Variants in PLCL1 observed in about 807,000 individuals in gnomAD.
PLCL1 encodes inactive phospholipase C-like protein 1.
A neutral mutation model predicts 84.4 loss-of-function variants in PLCL1; 41 were observed. The observed-to-expected ratio is 0.49, with a 90% CI of 0.38 to 0.63. The LOEUF (loss-of-function observed/expected upper bound fraction) is 0.63, where lower values mean the gene tolerates loss of function less well. Among genes scored for constraint, PLCL1 ranks in the 30% least tolerant of loss-of-function variants. The probability of loss-of-function intolerance (pLI) is 0.00; values close to 1 mark genes in which losing one functional copy is unlikely to be tolerated. For synonymous variants in PLCL1, 490 were observed against 488.3 expected (o/e 1.00, Z -0.05); for missense variants, 1,206 against 1,367.8 (o/e 0.88, Z 1.87).
At chr2:197,868,808 A>C (rs1246043314) in intron 1 of PLCL1, among the ~76,000 whole-genome samples, 3 of 151,626 alleles carry the variant, frequency 2.0e-5, no homozygotes, top group African/African-American at 7.3e-5. Context: ...GAGCCACCAT[A>C]CCTGGCCTTT....
chr2:198,035,122 T>C (rs1198713294), intron 1 of PLCL1, among the ~76,000 whole-genome samples: 1 of 152,218 alleles, frequency 6.6e-6, no homozygotes, highest in Admixed American at 6.5e-5. Flanking sequence ...ACACCAAGAC[T>C]ATGAAAATAA....
chr2:198,116,553 A>T (rs1442141797), intron 5 of PLCL1, among the ~76,000 whole-genome samples: 1 of 151,882 alleles, frequency 6.6e-6, no homozygotes, highest in Non-Finnish European at 1.5e-5. Context: ...ATTCATAAAA[A>T]TTTACACATA....
intron 2 of PLCL1, 138 bp from the exon 3 acceptor site, chr2:198,088,720 T>C (rs1329152347): frequency 5.6e-6 from 4 of 715,080 alleles, no homozygotes; most frequent in Non-Finnish European, 1.0e-5. Flanking sequence ...TTGCTAAAAA[T>C]TGAGCAAGAT....
Position 198,084,189 on chromosome 2 carries a change from A to C in PLCL1, c.672A>C (p.Arg224=), listed in dbSNP as rs1237033873. The change falls in exon 2 of 6, where the codon CGA becomes CGC. Residue 224 remains arginine, a synonymous_variant. Coordinates refer to ENST00000428675, the MANE Select transcript of PLCL1 (RefSeq NM_006226.4). ...CTGGGTTACGGTACCTGGTTTCTCGAAGTAAGCAGCCTCTTGATTTTATGG... is the reference window on the plus strand; with the variant it reads ...CTGGGTTACGGTACCTGGTTTCTCGCAGTAAGCAGCCTCTTGATTTTATGG... ...WVSGLRYLVS[R]SKQPLDFMEG... is the part of the protein sequence containing the mutation. 5 of 1,614,102 alleles carry C rather than the reference A, an allele frequency of 3.1e-6. No individual in the cohort carries two copies. The highest frequency in any genetic ancestry group is 4.2e-6 in the Non-Finnish European group (5 of 1,179,992).
intron 1 of PLCL1, among the ~76,000 whole-genome samples, chr2:197,921,243 G>A (rs1688694915): frequency 6.6e-6 from 1 of 152,200 alleles, no homozygotes; most frequent in African/African-American, 2.4e-5. Flanking sequence ...AAAGCGTTAT[G>A]TGGTACATGA....
chr2:197,905,262 A>T (rs181792228), intron 1 of PLCL1, among the ~76,000 whole-genome samples: 1 of 152,130 alleles, frequency 6.6e-6, no homozygotes, highest in South Asian at 2.1e-4. Context: ...CTATCCCCCA[A>T]TAGGCCCCAG....
At chr2:197,965,349 T>C (rs1240321180) in intron 1 of PLCL1, among the ~76,000 whole-genome samples, 4 of 152,160 alleles carry the variant, frequency 2.6e-5, no homozygotes, top group Non-Finnish European at 5.9e-5. Context: ...TATTGGCATA[T>C]AGTTGCTCAT....
chr2:198,087,423 A>C lies in PLCL1; in HGVS notation c.2715+1191A>C, dbSNP rs542134017. Among the ~76,000 whole-genome samples, 3 of 152,280 alleles carry C rather than the reference A, an allele frequency of 2.0e-5. No homozygotes were observed. The South Asian group carries it at 6.2e-4, about 32-fold the overall frequency. Reference sequence around the variant, plus strand: ...GAGATGCAAACAATAACAGATATTCACCGAGTACCTGCAATGTGCAAAGTG... The same window carrying C: ...GAGATGCAAACAATAACAGATATTCCCCGAGTACCTGCAATGTGCAAAGTG... On this transcript the variant is annotated intron_variant, in intron 2 of 5. Coordinates refer to ENST00000428675, the MANE Select transcript of PLCL1 (RefSeq NM_006226.4).
Position 198,105,534 on chromosome 2 carries a change from G to C in PLCL1, c.3105+1598G>C, listed in dbSNP as rs1018309386. ...GCATACTGGAATTAACATGGTTTTT[G>C]CCTTAATAAGGCAATGAGGTTTTCG... is the stretch of plus-strand genomic sequence containing the variant. On this transcript the variant is annotated intron_variant, in intron 5 of 5. Transcript: ENST00000428675. Among the ~76,000 whole-genome samples the C allele has an allele frequency of 7.9e-5, 12 of 151,440 alleles. 1 individual carries two copies. The highest frequency in any genetic ancestry group is 2.9e-4 in the African/African-American group (12 of 41,262).
rs1278786896 is a variant in PLCL1 at position 197,923,064 on chromosome 2, C to T, written c.240+117725C>T. Among the ~76,000 whole-genome samples the T allele has an allele frequency of 2.9e-3, 384 of 134,690 alleles. 2 individuals are homozygous for T. Among genetic ancestry groups the T allele is most frequent in the African/African-American group, 0.01 (366 of 35,800 alleles). 88.4% of individuals were successfully genotyped at this position (134,690 alleles called of 152,430 possible). A position where few individuals can be genotyped will look rare whatever the true frequency, so the allele number is the denominator to read the frequency against. ...GCCCCTCACCTCCCAGACGGGGCGGCTGGCCGGGCGGAGGGCTGACCCCCC... is the reference window on the plus strand; with the variant it reads ...GCCCCTCACCTCCCAGACGGGGCGGTTGGCCGGGCGGAGGGCTGACCCCCC... On this transcript the variant is annotated intron_variant, in intron 1 of 5. Coordinates refer to ENST00000428675, the MANE Select transcript of PLCL1 (RefSeq NM_006226.4).
Position 197,973,606 on chromosome 2 carries a change from A to G in PLCL1, c.241-110152A>G, listed in dbSNP as rs573276912. The stretch of plus-strand genomic sequence containing the variant: ...GTGAAAAGAAGAGCAAGCCATGAAA[A>G]GGTTTGATGTCAGGATATTCCAGGA... On this transcript the variant is annotated intron_variant, in intron 1 of 5. Transcript: ENST00000428675. Among the ~76,000 whole-genome samples the G allele has an allele frequency of 5.9e-5, 9 of 152,310 alleles. No individual in the cohort carries two copies. The South Asian group carries it at 1.2e-3, about 21-fold the overall frequency.
At chr2:197,923,767 A>C (rs1370489479) in intron 1 of PLCL1, among the ~76,000 whole-genome samples, 1 of 152,134 alleles carries the variant, frequency 6.6e-6, no homozygotes, top group Admixed American at 6.5e-5. Flanking sequence ...GCGGCCGGGC[A>C]GAGGCTGCAA....
In PLCL1 at chr2:198,006,153, C is replaced by T. The variant is rs1042137171; in HGVS notation, c.241-77605C>T. 2.6e-5 allele frequency among the ~76,000 whole-genome samples: 4 copies of T among 152,138 alleles called. No homozygotes were observed. In the South Asian group the frequency reaches 8.3e-4, roughly 32 times the overall value. On this transcript the variant is annotated intron_variant, in intron 1 of 5. Transcript: ENST00000428675. ...TAAAAGGACTGGAGTTGTTAAAAGA[C>T]AGGGTGAGAAGTCTGTTGACATAAA... is the stretch of plus-strand genomic sequence containing the variant.
chr2:197,920,045 TAAG>T (rs1688674773), intron 1 of PLCL1, among the ~76,000 whole-genome samples: 1 of 152,090 alleles, frequency 6.6e-6, no homozygotes, highest in Non-Finnish European at 1.5e-5. Context: ...GAAAATGAAA[TAAG>T]ATCATATATA....
At position 197,918,971 on chromosome 2, in the gene PLCL1, T is replaced by TCTCTCTCTCTCTCTCTCTCA. The variant is rs373512508; in HGVS notation, c.240+113633_240+113634insTCTCTCTCTCTCTCTCTCAC. Among the ~76,000 whole-genome samples, 218 of 144,634 alleles carry TCTCTCTCTCTCTCTCTCTCA rather than the reference T, an allele frequency of 1.5e-3. 4 individuals carry two copies. The highest frequency in any genetic ancestry group is 8.3e-3 in the Admixed American group (118 of 14,258). 94.9% of individuals were successfully genotyped at this position (144,634 alleles called of 152,430 possible). A position where few individuals can be genotyped will look rare whatever the true frequency, so the allele number is the denominator to read the frequency against. On this transcript the variant is annotated intron_variant, in intron 1 of 5. Coordinates refer to ENST00000428675, the MANE Select transcript of PLCL1 (RefSeq NM_006226.4). ...CTCTCTCTCTCTCTCTCTCTCTCCCTCACACACACACATACACACACAAAG... is the reference window on the plus strand; with the variant it reads ...CTCTCTCTCTCTCTCTCTCTCTCCCTCTCTCTCTCTCTCTCTCTCACACACACACACATACACACACAAAG...
chr2:197,805,046 A>G lies in PLCL1; in HGVS notation c.-54A>G. The G allele has an allele frequency of 7.1e-7, 1 of 1,415,902 alleles. No homozygotes were observed. The highest frequency in any genetic ancestry group is 9.2e-7 in the Non-Finnish European group (1 of 1,090,324). 87.7% of individuals were successfully genotyped at this position (1,415,902 alleles called of 1,614,324 possible). A position where few individuals can be genotyped will look rare whatever the true frequency, so the allele number is the denominator to read the frequency against. ...GAGCGCACCGGTGCCTAGCGGCTGG[A>G]CTCCGCTGCCGGGCGTCCCGCTTTC... On this transcript the variant is annotated 5_prime_UTR_variant, in exon 1 of 6. Transcript: ENST00000428675. The surrounding 1 kb of genome is among the most constrained non-coding windows in gnomAD (Gnocchi z 4.0).
chr2:197,943,625 A>G (rs1303421279), intron 1 of PLCL1, among the ~76,000 whole-genome samples: 2 of 101,126 alleles, frequency 2.0e-5, no homozygotes, highest in Non-Finnish European at 2.0e-5. Context: ...TTTTGGTTAC[A>G]TCTTTTTTTT....
At chr2:198,098,456 T>C (rs1693253211) in intron 3 of PLCL1, among the ~76,000 whole-genome samples, 1 of 152,198 alleles carries the variant, frequency 6.6e-6, no homozygotes, top group African/African-American at 2.4e-5. Flanking sequence ...GCACTTGCAA[T>C]AGGAATTCTA....
chr2:198,121,028 A>G, intron 5 of PLCL1, among the ~76,000 whole-genome samples: 1 of 151,900 alleles, frequency 6.6e-6, no homozygotes, highest in Non-Finnish European at 1.5e-5. Flanking sequence ...GGGTGAGATG[A>G]TATCTCATTG....
Sources: allele counts gnomAD v4.1 joint callset (sites outside exome capture counted in the v4.1 genomes callset), GRCh38; gene constraint gnomAD v4.1.1; non-coding constraint Gnocchi (gnomAD v3.1); transcripts MANE v1.5; gene names NCBI Gene and HGNC (gene_info 2026-07-23, HGNC 2026-07-21).